SLC22A12: variants seen among roughly 807,000 people sequenced by gnomAD.
The protein encoded by SLC22A12 is organic anion transporter 4-like protein.
SLC22A12 carries 56 observed loss-of-function variants against 52.7 expected under a neutral mutation model. The ratio of observed to expected loss-of-function variants is 1.06; its 90% CI spans 0.86 to 1.33. The LOEUF is 1.33. Among genes scored for constraint, SLC22A12 ranks in the 40% most tolerant of loss-of-function variants. The probability of loss-of-function intolerance (pLI) is 0.00; values close to 1 mark genes in which losing one functional copy is unlikely to be tolerated. For missense variants in SLC22A12, 683 were observed against 741.5 expected, an observed-to-expected ratio of 0.92 and a Z score of 0.92; for synonymous variants, 337 against 324.6, an observed-to-expected ratio of 1.04 and a Z score of -0.41.
intron 6 of SLC22A12, 90 bp from the exon 7 acceptor site, chr11:64,599,586 C>CCTGAGCCCCCCCCG: frequency 1.4e-6 from 1 of 694,586 alleles, no homozygotes; most frequent in South Asian, 1.9e-5. Flanking sequence ...ACACCCCCAC[C>CCTGAGCCCCCCCCG]CTGAGCCCCC....
At chr11:64,595,984 G>A (rs1198143636) in intron 4 of SLC22A12, among the ~76,000 whole-genome samples, 1 of 91,078 alleles carries the variant, frequency 1.1e-5, no homozygotes, top group African/African-American at 6.0e-5. Context: ...TGGATGGTTG[G>A]AATAGATGGA....
Position 64,591,311 on chromosome 11 carries a change from T to G in SLC22A12, c.-246T>G, listed in dbSNP as rs1286251923. Reference sequence around the variant, plus strand: ...TGGAGCAGCTGCCTCTCTGGGGAGATGCTGGAGGTCTCGGAATCACCTCAC... The same window carrying G: ...TGGAGCAGCTGCCTCTCTGGGGAGAGGCTGGAGGTCTCGGAATCACCTCAC... On this transcript the variant is annotated 5_prime_UTR_variant, in exon 1 of 10. An upstream start codon of the reference 5' UTR is lost. Coordinates refer to ENST00000377574, the MANE Select transcript of SLC22A12 (RefSeq NM_144585.4). The G allele has an allele frequency of 5.3e-6, 3 of 569,818 alleles. No homozygotes were observed. In the Admixed American group the frequency reaches 9.2e-5, roughly 18 times the overall value. 35.3% of individuals were successfully genotyped at this position (569,818 alleles called of 1,614,324 possible). A position where few individuals can be genotyped will look rare whatever the true frequency, so the allele number is the denominator to read the frequency against.
At chr11:64,597,025 G>A (rs941066440) in intron 4 of SLC22A12, among the ~76,000 whole-genome samples, 3 of 152,198 alleles carry the variant, frequency 2.0e-5, no homozygotes, top group Admixed American at 1.3e-4. Context: ...CTCTGCCCAC[G>A]TGGAGCTCAT....
intron 6 of SLC22A12, among the ~76,000 whole-genome samples, chr11:64,599,216 A>G (rs570191888): frequency 6.6e-6 from 1 of 152,168 alleles, no homozygotes; most frequent in Non-Finnish European, 1.5e-5. Flanking sequence ...AGGCAACAGC[A>G]TGGGCCGCAA....
intron 4 of SLC22A12, among the ~76,000 whole-genome samples, chr11:64,594,412 G>A (rs1306150897): frequency 6.6e-6 from 1 of 152,266 alleles, no homozygotes; most frequent in Non-Finnish European, 1.5e-5. Context: ...CCCTTGCCGA[G>A]CACCTGGCAC....
Position 64,601,514 on chromosome 11 carries a change from C to G in SLC22A12, c.1625C>G (p.Thr542Arg). The part of the protein sequence containing the change: ...NQAVKKATHG[T>R]LGNSVLKSTQ... Reference sequence around the variant, plus strand: ...GCAGTAAAGAAGGCAACACATGGCACGCTGGGGAACTCTGTCCTAAAATCC... The same window carrying G: ...GCAGTAAAGAAGGCAACACATGGCAGGCTGGGGAACTCTGTCCTAAAATCC... Residue 542 changes from threonine to arginine, a missense_variant, in exon 10 of 10, where the codon ACG becomes AGG. By Grantham distance (71) the Thr-to-Arg change is moderately conservative. Coordinates refer to ENST00000377574, the MANE Select transcript of SLC22A12 (RefSeq NM_144585.4). The G allele has an allele frequency of 6.2e-7, 1 of 1,613,388 alleles. No individual in the cohort carries two copies.
chr11:64,592,995 C>A, intron 2 of SLC22A12, 113 bp downstream of exon 2: 1 of 982,638 alleles, frequency 1.0e-6, no homozygotes, highest in Non-Finnish European at 1.6e-6. Flanking sequence ...AGAAAGCGCC[C>A]TACTTGCTGG....
At position 64,591,517 on chromosome 11, in the gene SLC22A12, G is replaced by T. The variant is rs2038914797; in HGVS notation, c.-40G>T. On this transcript the variant is annotated 5_prime_UTR_variant, in exon 1 of 10. Coordinates refer to ENST00000377574, the MANE Select transcript of SLC22A12 (RefSeq NM_144585.4). ...GCCTCTTTGCCCTGGGCCAGCCTTT[G>T]TGAAGTGGGCCCCTCTTCTGGGCCC... 3 of 1,605,898 alleles carry T rather than the reference G, an allele frequency of 1.9e-6. No homozygotes were observed. The highest frequency in any genetic ancestry group is 8.5e-7 in the Non-Finnish European group (1 of 1,179,898).
intron 6 of SLC22A12, among the ~76,000 whole-genome samples, chr11:64,599,446 C>T (rs1028928251): frequency 6.6e-6 from 1 of 152,164 alleles, no homozygotes. Context: ...AACCTCTTGC[C>T]AGCACCTCCC....
chr11:64,599,896 G>T lies in SLC22A12; in HGVS notation c.1285+6G>T. 2 of 1,611,850 alleles carry T rather than the reference G, an allele frequency of 1.2e-6. No individual in the cohort carries two copies. Among genetic ancestry groups the T allele is most frequent in the Non-Finnish European group, 1.7e-6 (2 of 1,179,502 alleles). ...CAACACGCTGGTGCCCCACGGTGAG[G>T]GGGCAAAGCTGTACACCAGAGACTT... On this transcript the variant is annotated splice_donor_region_variant and intron_variant, in intron 7 of 9. Coordinates refer to ENST00000377574, the MANE Select transcript of SLC22A12 (RefSeq NM_144585.4).
intron 6 of SLC22A12, among the ~76,000 whole-genome samples, chr11:64,599,285 C>G (rs1214811717): frequency 1.3e-5 from 2 of 152,126 alleles, no homozygotes; most frequent in Non-Finnish European, 2.9e-5. Flanking sequence ...AGCCCAGGAC[C>G]CATGGCCATC....
Position 64,592,870 on chromosome 11 carries a change from C to T in SLC22A12, c.494C>T (p.Pro165Leu), listed in dbSNP as rs370851012. Residue 165 changes from proline (P) to leucine (L), a missense_variant, in exon 2 of 10, where the codon CCT becomes CTT. Physicochemically the swap from Pro to Leu is moderately conservative, Grantham distance 98. Coordinates refer to ENST00000377574, the MANE Select transcript of SLC22A12 (RefSeq NM_144585.4). ...CTGGTGGGAGCTGCTGCGTGCGGCC[C>T]TGCCTCAGACAGGTGAGTACCCCCA... ...GILVGAAACG[P>L]ASDRFGRRLV... 1 of 1,613,700 alleles carries T rather than the reference C, an allele frequency of 6.2e-7. No homozygotes were observed. Among genetic ancestry groups the T allele is most frequent in the Non-Finnish European group, 8.5e-7 (1 of 1,179,964 alleles).
At chr11:64,594,686 T>TGGATGGAC (rs1491178799) in intron 4 of SLC22A12, among the ~76,000 whole-genome samples, 4 of 128,334 alleles carry the variant, frequency 3.1e-5, no homozygotes, top group African/African-American at 1.2e-4. Flanking sequence ...GATGGACGGA[T>TGGATGGAC]GGATGGATGG....
intron 6 of SLC22A12, among the ~76,000 whole-genome samples, chr11:64,599,224 C>A (rs1429114367): frequency 6.6e-6 from 1 of 152,188 alleles, no homozygotes; most frequent in Non-Finnish European, 1.5e-5. Context: ...GCATGGGCCG[C>A]AAGCACCCCT....
At chr11:64,592,146 G>T (rs1482922990) in intron 1 of SLC22A12, among the ~76,000 whole-genome samples, 188 bp downstream of exon 1, 1 of 152,136 alleles carries the variant, frequency 6.6e-6, no homozygotes, top group African/African-American at 2.4e-5. Context: ...TCTACAAATG[G>T]GGCCAGCCCA....
intron 7 of SLC22A12, among the ~76,000 whole-genome samples, 156 bp downstream of exon 7, chr11:64,600,046 T>C (rs968662000): frequency 3.9e-5 from 6 of 152,156 alleles, no homozygotes; most frequent in African/African-American, 1.4e-4. Flanking sequence ...GTGTCTGCAC[T>C]GAGCCAGCAA....
chr11:64,595,384 T>C (rs145012877), intron 4 of SLC22A12, among the ~76,000 whole-genome samples: 412 of 60,646 alleles, frequency 6.8e-3, no homozygotes, highest in Non-Finnish European at 0.014. Flanking sequence ...GATGGATGGA[T>C]GGATGGATGG....
Position 64,591,683 on chromosome 11 carries a change from G to C in SLC22A12, c.127G>C (p.Ala43Pro). The change falls in exon 1 of 10, where the codon GCC becomes CCC. Residue 43 changes from alanine to proline, a missense_variant. Coordinates refer to ENST00000377574, the MANE Select transcript of SLC22A12 (RefSeq NM_144585.4). ...GAGCATGCTGGAGAACTTCTCGGCC[G>C]CCGTGCCCAGCCACCGCTGCTGGGC... ...TQSMLENFSAAVPSHRCWAPL... is the reference protein window; with the variant it reads ...TQSMLENFSAPVPSHRCWAPL... 2 of 1,612,020 alleles carry C rather than the reference G, an allele frequency of 1.2e-6. No individual in the cohort carries two copies. The highest frequency in any genetic ancestry group is 1.7e-6 in the Non-Finnish European group (2 of 1,180,000).
Position 64,600,369 on chromosome 11 carries a change from ATG to A in SLC22A12, c.1289_1290del (p.Met430ArgfsTer175). The A allele has an allele frequency of 6.2e-7, 1 of 1,601,114 alleles. No individual in the cohort carries two copies. Among genetic ancestry groups the A allele is most frequent in the Non-Finnish European group, 8.5e-7 (1 of 1,176,622 alleles). On this transcript the variant is annotated frameshift_variant, in exon 8 of 10. Transcript: ENST00000377574. LOFTEE classifies it high-confidence loss of function. ...ACTAATCCCATCTCTACCCACAGAA[ATG>A]GGGGCTCTGCGCTCAGCCTTGGCCG... Reference protein sequence around the residue: ...ILANTLVPHEMGALRSALAVL... With the variant: ...ILANTLVPHEXGALRSALAVL...
Sources: allele counts gnomAD v4.1 joint callset (sites outside exome capture counted in the v4.1 genomes callset), GRCh38; gene constraint gnomAD v4.1.1; transcripts MANE v1.5; gene names NCBI Gene and HGNC (gene_info 2026-07-23, HGNC 2026-07-21).